The following TMEM9B variants were observed in gnomAD, a reference collection of about 807,000 sequenced individuals.
TMEM9B encodes TMEM9 domain family member B, also known as transmembrane protein 9B.
TMEM9B carries 8 observed loss-of-function variants against 23.5 expected under a neutral mutation model. The ratio of observed to expected loss-of-function variants is 0.34; its 90% CI spans 0.20 to 0.61. The LOEUF is 0.61. TMEM9B is among the 20% of genes least tolerant of loss of function. TMEM9B has a pLI of 0.78. For missense variants in TMEM9B, 197 were observed against 252.3 expected (o/e 0.78, Z 1.49); for synonymous variants, 106 against 96.3 (o/e 1.10, Z -0.59).
intron 2 of TMEM9B, among the ~76,000 whole-genome samples, chr11:8,960,958 T>C (rs766706635): frequency 2.5e-4 from 38 of 152,308 alleles, no homozygotes; most frequent in Non-Finnish European, 3.7e-4. Flanking sequence ...GTGCTGGGAT[T>C]ACAGGCGTGA....
At chr11:8,964,510 A>AG (rs1391200894), upstream of TMEM9B, 13 of 1,396,794 alleles carry the variant, frequency 9.3e-6, no homozygotes, top group Non-Finnish European at 1.2e-5. Context: ...ACCGGTTACC[A>AG]GTGCGAAGGG....
At chr11:8,961,745 G>A (rs1566125414) in intron 2 of TMEM9B, among the ~76,000 whole-genome samples, 2 of 152,172 alleles carry the variant, frequency 1.3e-5, no homozygotes, top group Admixed American at 6.5e-5. Flanking sequence ...GACAAACGAG[G>A]CTTGCTAACC....
Position 8,956,253 on chromosome 11 carries a change from A to G in TMEM9B, c.243T>C (p.Asp81=). ...VVEPMPVRGP[D]VEAYCLRCEC... ...CACAGCGTAGACAGTATGCTTCTAC[A>G]TCAGGCCCCCGCACAGGCATGGGCT... The change falls in exon 3 of 5, where the codon GAT becomes GAC. Residue 81 remains aspartate, a synonymous_variant. Coordinates refer to ENST00000534025, the MANE Select transcript of TMEM9B (RefSeq NM_020644.3). 1 of 1,613,926 alleles carries G rather than the reference A, an allele frequency of 6.2e-7. No homozygotes were observed. Among genetic ancestry groups the G allele is most frequent in the African/African-American group, 1.3e-5 (1 of 75,048 alleles).
In TMEM9B at chr11:8,964,353, G is replaced by C. The variant is rs753048961; in HGVS notation, c.-40C>G. 3 of 1,540,308 alleles carry C rather than the reference G, an allele frequency of 1.9e-6. No individual in the cohort carries two copies. The highest frequency in any genetic ancestry group is 1.2e-5 in the South Asian group (1 of 82,706). Reference sequence around the variant, plus strand: ...CGGTCCCACAGCCCGGAGCCCCCGCGACCGGCTCCCGGCTCGGGCTCAGGC... The same window carrying C: ...CGGTCCCACAGCCCGGAGCCCCCGCCACCGGCTCCCGGCTCGGGCTCAGGC... On this transcript the variant is annotated 5_prime_UTR_variant, in exon 1 of 5. Transcript: ENST00000534025.
At chr11:8,952,956 G>C (rs61876254) in intron 4 of TMEM9B, 2 of 585,044 alleles carry the variant, frequency 3.4e-6, no homozygotes, top group East Asian at 5.6e-5. Context: ...TGTGCCTTTG[G>C]TACTGAAAGC....
intron 1 of TMEM9B, chr11:8,962,576 C>T (rs1854099529): frequency 6.0e-6 from 1 of 165,594 alleles, no homozygotes; most frequent in African/African-American, 2.4e-5. Context: ...AAAAATTATT[C>T]ACAAAAAAGG....
At chr11:8,961,530 G>C (rs1414950483) in intron 2 of TMEM9B, among the ~76,000 whole-genome samples, 1 of 152,212 alleles carries the variant, frequency 6.6e-6, no homozygotes, top group Non-Finnish European at 1.5e-5. Context: ...GGATCCCCCA[G>C]TCATCACAGG....
chr11:8,962,066 G>C (rs2134877715), intron 2 of TMEM9B, 26 bp downstream of exon 2: 1 of 1,389,638 alleles, frequency 7.2e-7, no homozygotes, highest in East Asian at 2.4e-5. Flanking sequence ...AAATGTGACA[G>C]GTAATTCAGT....
intron 3 of TMEM9B, 128 bp from the exon 4 acceptor site, chr11:8,953,465 T>C: frequency 1.1e-6 from 1 of 880,914 alleles, no homozygotes; most frequent in South Asian, 1.9e-5. Context: ...CAGATAGCAA[T>C]ATAAGAAATA....
In TMEM9B at chr11:8,956,204, A is replaced by G; in HGVS notation, c.292T>C (p.Ser98Pro). 1 of 1,613,566 alleles carries G rather than the reference A, an allele frequency of 6.2e-7. No homozygotes were observed. The highest frequency in any genetic ancestry group is 8.5e-7 in the Non-Finnish European group (1 of 1,179,908). ...ATATATTTTACCTTGATTGTGACAG[A>G]GCTTCTTTCTTCATATTTGCATTCA... The part of the protein sequence containing the change: ...RCECKYEERS[S>P]VTIKVTIIIY... Residue 98 changes from serine (S) to proline (P), a missense_variant, in exon 3 of 5, where the codon TCT becomes CCT. Transcript: ENST00000534025.
chr11:8,947,486 A>G lies in TMEM9B; in HGVS notation c.*834T>C, dbSNP rs1431293186. 6.5e-6 allele frequency: 1 copy of G among 152,674 alleles called. No homozygotes were observed. The highest frequency in any genetic ancestry group is 2.4e-5 in the African/African-American group (1 of 41,450). The allele number at this position is 152,674 out of a possible 1,614,324, so 9.5% of individuals were successfully genotyped here. A position where few individuals can be genotyped will look rare whatever the true frequency, so the allele number is the denominator to read the frequency against. On this transcript the variant is annotated 3_prime_UTR_variant, in exon 5 of 5. Coordinates refer to ENST00000534025, the MANE Select transcript of TMEM9B (RefSeq NM_020644.3). Reference sequence around the variant, plus strand: ...AAATGCTGACAAATGTGTATATATTATCAATCCAGGGAGGCTTGGGTTTAA... The same window carrying G: ...AAATGCTGACAAATGTGTATATATTGTCAATCCAGGGAGGCTTGGGTTTAA...
At position 8,956,283 on chromosome 11, in the gene TMEM9B, A is replaced by G. The variant is rs2568068; in HGVS notation, c.213T>C (p.Val71=). The stretch of plus-strand genomic sequence containing the variant: ...GCCCCCGCACAGGCATGGGCTCCAC[A>G]ACATGAAGGCAATCACTGAAAAAAC... ...ISQKDCDCLH[V]VEPMPVRGPD... The change falls in exon 3 of 5, where the codon GTT becomes GTC. Residue 71 remains valine, a synonymous_variant. Transcript: ENST00000534025. 0.22 allele frequency: 358,205 copies of G among 1,612,130 alleles called. 43,481 individuals carry two copies. The highest frequency in any genetic ancestry group is 0.45 in the East Asian group (20,388 of 44,830).
chr11:8,947,484 T>G lies in TMEM9B; in HGVS notation c.*836A>C, dbSNP rs1175501828. ...GGAAATGCTGACAAATGTGTATATA[T>G]TATCAATCCAGGGAGGCTTGGGTTT... On this transcript the variant is annotated 3_prime_UTR_variant, in exon 5 of 5. Coordinates refer to ENST00000534025, the MANE Select transcript of TMEM9B (RefSeq NM_020644.3). 6.6e-6 allele frequency: 1 copy of G among 152,630 alleles called. No homozygotes were observed. The highest frequency in any genetic ancestry group is 2.4e-5 in the African/African-American group (1 of 41,434). The allele number at this position is 152,630 out of a possible 1,614,324, so 9.5% of individuals were successfully genotyped here. A position where few individuals can be genotyped will look rare whatever the true frequency, so the allele number is the denominator to read the frequency against.
At chr11:8,951,238 G>C (rs1853869438) in intron 4 of TMEM9B, among the ~76,000 whole-genome samples, 1 of 152,138 alleles carries the variant, frequency 6.6e-6, no homozygotes, top group African/African-American at 2.4e-5. Context: ...GTAAAGGAAG[G>C]ATGTCGTTTA....
At chr11:8,959,955 G>C (rs1854044922) in intron 2 of TMEM9B, among the ~76,000 whole-genome samples, 1 of 152,070 alleles carries the variant, frequency 6.6e-6, no homozygotes, top group African/African-American at 2.4e-5. Flanking sequence ...GCCTCGTAAA[G>C]CCATAATTCT....
rs539198079 is a variant in TMEM9B, at chr11:8,951,140, T to C, written c.441+2063A>G. Among the ~76,000 whole-genome samples, 45 of 152,352 alleles carry C rather than the reference T, an allele frequency of 3.0e-4. 2 individuals carry two copies. In the South Asian group the frequency reaches 9.1e-3, roughly 31 times the overall value. ...GATCCCACCAATTAAATGCCTGCCCTACATGTTTTCATCTCTACATCCATT... is the reference window on the plus strand; with the variant it reads ...GATCCCACCAATTAAATGCCTGCCCCACATGTTTTCATCTCTACATCCATT... On this transcript the variant is annotated intron_variant, in intron 4 of 4. Transcript: ENST00000534025.
Position 8,953,257 on chromosome 11 carries a change from C to A in TMEM9B, c.387G>T (p.Leu129=). ...GTGCATGTCCAAAGAGGCGCCTCTT[C>A]AGTATGGGCTCAACCAGAGTAAGAT... ...MVYLTLVEPI[L]KRRLFGHAQL... The change falls in exon 4 of 5, where the codon CTG becomes CTT. Residue 129 remains leucine (L), a synonymous_variant. Transcript: ENST00000534025. The A allele has an allele frequency of 6.2e-7, 1 of 1,614,116 alleles. No individual in the cohort carries two copies. The highest frequency in any genetic ancestry group is 1.1e-5 in the South Asian group (1 of 91,086).
At chr11:8,952,319 CGTGT>C (rs139281160) in intron 4 of TMEM9B, among the ~76,000 whole-genome samples, 11 of 148,760 alleles carry the variant, frequency 7.4e-5, no homozygotes, top group Non-Finnish European at 1.3e-4. Context: ...AATGTACACA[CGTGT>C]GTGTGTGTGT....
At chr11:8,953,715 C>T (rs1034219199) in intron 3 of TMEM9B, among the ~76,000 whole-genome samples, 1 of 152,124 alleles carries the variant, frequency 6.6e-6, no homozygotes, top group Non-Finnish European at 1.5e-5. Context: ...GACCTTAATT[C>T]ATGTACTGAG....
Sources: allele counts gnomAD v4.1 joint callset (sites outside exome capture counted in the v4.1 genomes callset), GRCh38; gene constraint gnomAD v4.1.1; transcripts MANE v1.5; gene names NCBI Gene and HGNC (gene_info 2026-07-23, HGNC 2026-07-21).